Variants in MDGA2 observed in about 807,000 individuals in gnomAD.
MDGA2 encodes MAM domain containing glycosylphosphatidylinositol anchor 2.
MDGA2 carries 40 observed loss-of-function variants against 117.8 expected under a neutral mutation model. The observed-to-expected ratio is 0.34, with a 90% CI of 0.26 to 0.44. The LOEUF (loss-of-function observed/expected upper bound fraction) is 0.44, where lower values mean the gene tolerates loss of function less well. MDGA2 is among the 20% of genes least tolerant of loss of function. The pLI is 1.00. For missense variants in MDGA2, 1,123 were observed against 1,250.6 expected (o/e 0.90, Z 1.54); for synonymous variants, 452 against 439.0 (o/e 1.03, Z -0.37).
chr14:46,862,609 T>C (rs1042287977), intron 14 of MDGA2, among the ~76,000 whole-genome samples: 5 of 151,846 alleles, frequency 3.3e-5, no homozygotes, highest in Non-Finnish European at 5.9e-5. Flanking sequence ...AATTGCCACA[T>C]TTACATGAAT....
intron 2 of MDGA2, among the ~76,000 whole-genome samples, chr14:47,219,103 G>GT (rs1283469815): frequency 6.6e-6 from 1 of 151,874 alleles, no homozygotes; most frequent in Admixed American, 6.6e-5. Context: ...ATTTTAGTTT[G>GT]TTTTTAAGGT....
chr14:47,269,376 A>C (rs962222684), intron 2 of MDGA2, among the ~76,000 whole-genome samples: 24 of 152,282 alleles, frequency 1.6e-4, no homozygotes, highest in African/African-American at 5.8e-4. Flanking sequence ...CCAAAAAGTA[A>C]AAAGACTAGA....
intron 9 of MDGA2, among the ~76,000 whole-genome samples, chr14:46,929,599 GTGTATATA>G (rs1473273546): frequency 3.0e-3 from 46 of 15,248 alleles, no homozygotes; most frequent in African/African-American, 3.8e-3. Flanking sequence ...GTGTGTGTGT[GTGTATATA>G]TATATATATA....
At chr14:47,106,079 A>C (rs1481933534) in intron 5 of MDGA2, among the ~76,000 whole-genome samples, 2 of 152,098 alleles carry the variant, frequency 1.3e-5, no homozygotes, top group Non-Finnish European at 2.9e-5. Flanking sequence ...CCCAAATCGG[A>C]TAGCGTTTAG....
chr14:47,404,190 CTT>C (rs34502521), intron 1 of MDGA2, among the ~76,000 whole-genome samples: 105 of 147,160 alleles, frequency 7.1e-4, no homozygotes, highest in Admixed American at 2.3e-3. Context: ...TAATACCAAC[CTT>C]TTTTTTTTTT....
At chr14:47,325,141 G>T (rs894266988) in intron 1 of MDGA2, among the ~76,000 whole-genome samples, 2 of 152,158 alleles carry the variant, frequency 1.3e-5, no homozygotes, top group African/African-American at 4.8e-5. Context: ...GAAGATATGG[G>T]TATGAAAAGT....
chr14:47,441,145 A>G (rs1012933584), intron 1 of MDGA2, among the ~76,000 whole-genome samples: 3 of 152,172 alleles, frequency 2.0e-5, no homozygotes, highest in Admixed American at 6.5e-5. Context: ...CAGGCAAAGT[A>G]GCAGAGCCAA....
chr14:47,164,434 G>A (rs1883776284), intron 3 of MDGA2, among the ~76,000 whole-genome samples: 1 of 152,148 alleles, frequency 6.6e-6, no homozygotes, highest in Non-Finnish European at 1.5e-5. Flanking sequence ...ATCAACAGGT[G>A]GGCAAAGGAT....
At chr14:46,981,692 G>A (rs1886678558) in intron 8 of MDGA2, among the ~76,000 whole-genome samples, 1 of 152,158 alleles carries the variant, frequency 6.6e-6, no homozygotes, top group Non-Finnish European at 1.5e-5. Flanking sequence ...AAGATGAAGT[G>A]ATCCAGGTTA....
intron 1 of MDGA2, among the ~76,000 whole-genome samples, chr14:47,395,510 A>C: frequency 6.6e-6 from 1 of 152,160 alleles, no homozygotes; most frequent in East Asian, 1.9e-4. Context: ...GAAAGCAATA[A>C]TTTTTAAAAT....
chr14:46,951,949 T>TA (rs1313818438), intron 9 of MDGA2, among the ~76,000 whole-genome samples: 1 of 151,986 alleles, frequency 6.6e-6, no homozygotes. Flanking sequence ...TAAAATATCT[T>TA]GAGTCAATAA....
At chr14:47,318,978 T>C (rs1889896273) in intron 1 of MDGA2, among the ~76,000 whole-genome samples, 1 of 152,212 alleles carries the variant, frequency 6.6e-6, no homozygotes, top group South Asian at 2.1e-4. Flanking sequence ...ATATCTCTTA[T>C]GGTAAGATAA....
At chr14:47,267,840 A>C (rs1888016417) in intron 2 of MDGA2, among the ~76,000 whole-genome samples, 1 of 152,202 alleles carries the variant, frequency 6.6e-6, no homozygotes, top group Admixed American at 6.5e-5. Flanking sequence ...TAAAGCACTT[A>C]AAATAATTTC....
At chr14:47,406,829 G>T (rs971142875) in intron 1 of MDGA2, among the ~76,000 whole-genome samples, 36 of 151,946 alleles carry the variant, frequency 2.4e-4, no homozygotes, top group Non-Finnish European at 1.5e-5. Context: ...AAGTTAGAAA[G>T]AACACAAAAA....
intron 8 of MDGA2, among the ~76,000 whole-genome samples, chr14:47,030,119 C>T (rs1282875188): frequency 1.3e-5 from 2 of 152,166 alleles, no homozygotes; most frequent in South Asian, 2.1e-4. Context: ...AGCCACCCCC[C>T]GCCCACATAT....
chr14:47,609,466 A>ATATATATAT (rs1566539792), intron 1 of MDGA2, among the ~76,000 whole-genome samples: 40 of 20,740 alleles, frequency 1.9e-3, no homozygotes, highest in South Asian at 5.5e-3. Context: ...TATATATATA[A>ATATATATAT]GTTTCTTTAT....
intron 1 of MDGA2, among the ~76,000 whole-genome samples, chr14:47,608,435 A>G (rs1485764039): frequency 1.3e-5 from 2 of 152,118 alleles, no homozygotes; most frequent in African/African-American, 4.8e-5. Flanking sequence ...TCACGAGAAA[A>G]TTCTAAGTGA....
At chr14:47,249,621 C>T (rs1198739953) in intron 2 of MDGA2, among the ~76,000 whole-genome samples, 1 of 152,216 alleles carries the variant, frequency 6.6e-6, no homozygotes, top group Non-Finnish European at 1.5e-5. Flanking sequence ...CCACCATGCC[C>T]AGACTCATGT....
chr14:47,025,354 G>A (rs1458261212), intron 8 of MDGA2, among the ~76,000 whole-genome samples: 1 of 152,144 alleles, frequency 6.6e-6, no homozygotes, highest in Non-Finnish European at 1.5e-5. Flanking sequence ...AGGAAGCCAT[G>A]GCTTTGAGCT....
Sources: gnomAD v4.1 joint callset for allele counts (sites outside exome capture counted in the v4.1 genomes callset) on GRCh38, gnomAD v4.1.1 for gene constraint, MANE v1.5 for transcripts, NCBI Gene and HGNC (gene_info 2026-07-23, HGNC 2026-07-21) for gene names.